The following GCA variants were observed in gnomAD, a reference collection of about 807,000 sequenced individuals.
GCA encodes the protein grancalcin, also known as grancalcin, EF-hand calcium-binding protein.
In GCA, 30 loss-of-function variants were observed where a neutral mutation model predicts 32.6. The observed-to-expected ratio is 0.92, with a 90% CI of 0.69 to 1.25. GCA has a LOEUF of 1.25. Ranked by LOEUF, GCA falls within the 50% of genes most tolerant of loss-of-function variation. The pLI, the probability that GCA is intolerant of heterozygous loss-of-function variation, is 0.00. For synonymous variants in GCA, 102 were observed against 84.6 expected, an observed-to-expected ratio of 1.21 and a Z score of -1.13; for missense variants, 291 against 266.8, an observed-to-expected ratio of 1.09 and a Z score of -0.63.
intron 1 of GCA, among the ~76,000 whole-genome samples, chr2:162,337,691 T>G (rs934537606): frequency 6.6e-6 from 1 of 152,200 alleles, no homozygotes; most frequent in Non-Finnish European, 1.5e-5. Flanking sequence ...CTATCACAAT[T>G]CTTACCCCTC....
chr2:162,349,640 G>A (rs779449999), intron 2 of GCA, among the ~76,000 whole-genome samples: 21 of 152,004 alleles, frequency 1.4e-4, no homozygotes, highest in Non-Finnish European at 2.8e-4. Context: ...GAGAGGATTT[G>A]GAAAAAGAGA....
chr2:162,356,803 T>C lies in GCA; in HGVS notation c.352T>C (p.Trp118Arg). The C allele has an allele frequency of 1.2e-6, 2 of 1,604,470 alleles. No homozygotes were observed. Residue 118 changes from tryptophan to arginine, a missense_variant, in exon 5 of 8, where the codon TGG becomes CGG. Trp to Arg is a moderately radical substitution (Grantham distance 101, BLOSUM62 -3). Transcript: ENST00000437150. ...GGGATTTAATGCATTCAAAGAGCTA[T>C]GGGCAGCTCTTAATGCCTGGAAGGA... ...KMGFNAFKEL[W>R]AALNAWKENF...
chr2:162,343,732 G>A (rs1684525852), upstream of GCA, among the ~76,000 whole-genome samples: 1 of 152,184 alleles, frequency 6.6e-6, no homozygotes, highest in African/African-American at 2.4e-5. Context: ...ATTCACAGAT[G>A]GGTCTTTGAA....
At chr2:162,354,458 A>T (rs920827356) in intron 3 of GCA, among the ~76,000 whole-genome samples, 12 of 152,180 alleles carry the variant, frequency 7.9e-5, no homozygotes, top group Non-Finnish European at 1.2e-4. Flanking sequence ...TACATTTCAG[A>T]GACTCCTCCA....
At chr2:162,370,553 T>C (rs1218359708) in intron 4 of GCA, among the ~76,000 whole-genome samples, 2 of 152,102 alleles carry the variant, frequency 1.3e-5, no homozygotes, top group Admixed American at 6.6e-5. Flanking sequence ...ATTCCAATCA[T>C]GTATAATAGA....
intron 1 of GCA, among the ~76,000 whole-genome samples, chr2:162,324,801 G>A (rs1683816954): frequency 6.6e-6 from 1 of 152,158 alleles, no homozygotes; most frequent in Non-Finnish European, 1.5e-5. Flanking sequence ...CCCCTCTGAA[G>A]AGGTACAACT....
At chr2:162,330,890 C>T (rs914240977) in intron 1 of GCA, among the ~76,000 whole-genome samples, 3 of 152,114 alleles carry the variant, frequency 2.0e-5, no homozygotes, top group African/African-American at 4.8e-5. Flanking sequence ...TCCTATGAGC[C>T]CCAGTCACAT....
chr2:162,336,864 T>C (rs75010080), intron 1 of GCA, among the ~76,000 whole-genome samples: 1 of 152,182 alleles, frequency 6.6e-6, no homozygotes, highest in Admixed American at 6.6e-5. Context: ...TGGAATTTCA[T>C]TTGGATTTAA....
At chr2:162,345,624 C>A in intron 1 of GCA, among the ~76,000 whole-genome samples, 1 of 152,220 alleles carries the variant, frequency 6.6e-6, no homozygotes, top group East Asian at 1.9e-4. Flanking sequence ...TATTTAAATC[C>A]CCTTTTCCAT....
At position 162,360,282 on chromosome 2, in the gene GCA, C is replaced by T. The variant is rs1553466889; in HGVS notation, c.*39C>T. The T allele has an allele frequency of 6.3e-7, 1 of 1,577,366 alleles. No individual in the cohort carries two copies. The highest frequency in any genetic ancestry group is 1.2e-5 in the South Asian group (1 of 86,298). On this transcript the variant is annotated 3_prime_UTR_variant, in exon 8 of 8. Coordinates refer to ENST00000437150, the MANE Select transcript of GCA (RefSeq NM_012198.5). ...TAAACCTGAAGAGACACTGTGAATT[C>T]TTTTGTTTGGAAGAAGTGAACTGGA...
chr2:162,336,972 G>A (rs1684290190), intron 1 of GCA, among the ~76,000 whole-genome samples: 2 of 152,118 alleles, frequency 1.3e-5, no homozygotes. Context: ...CAATTTCATG[G>A]GTTGAAACGC....
intron 1 of GCA, among the ~76,000 whole-genome samples, chr2:162,320,439 A>G (rs1424414385): frequency 6.6e-6 from 1 of 152,246 alleles, no homozygotes; most frequent in East Asian, 1.9e-4. Flanking sequence ...ACAAACTAAC[A>G]AACCAAAAAA....
rs78904785 is a variant in GCA, at chr2:162,348,432, G to A, written c.192+690G>A. Among the ~76,000 whole-genome samples the A allele has an allele frequency of 6.2e-3, 951 of 152,170 alleles. 18 individuals carry two copies. In the East Asian group the frequency reaches 0.067, roughly 11 times the overall value. On this transcript the variant is annotated intron_variant, in intron 2 of 7. Coordinates refer to ENST00000437150, the MANE Select transcript of GCA (RefSeq NM_012198.5). The stretch of plus-strand genomic sequence containing the variant: ...GAGAAATTACATTTTTTTCACAGGT[G>A]AAGTTATATCATTTATAGTAATTTT...
At chr2:162,363,949 G>C (rs1685673621), downstream of GCA, among the ~76,000 whole-genome samples, 1 of 151,418 alleles carries the variant, frequency 6.6e-6, no homozygotes, top group South Asian at 2.1e-4. Flanking sequence ...AAGAAAATGA[G>C]GAAGCTGTTT....
rs186365962 is a variant in GCA at position 162,350,848 on chromosome 2, C to T, written c.193-1490C>T. The stretch of plus-strand genomic sequence containing the variant: ...ATATATAAACATTTGATAAATGTTT[C>T]GTATGGATGAATTAACTATCCCATT... On this transcript the variant is annotated intron_variant, in intron 2 of 7. Transcript: ENST00000437150. Among the ~76,000 whole-genome samples, 389 of 152,178 alleles carry T rather than the reference C, an allele frequency of 2.6e-3. 4 individuals carry two copies. Among genetic ancestry groups the T allele is most frequent in the Middle Eastern group, 6.8e-3 (2 of 292 alleles).
chr2:162,362,943 G>A lies in GCA; in HGVS notation c.*2700G>A, dbSNP rs1367561696. Reference sequence around the variant, plus strand: ...TCAAGTTATGTTTATTTCCAAAAAAGGCATTTACCCTAGAAGAAAGTAGAA... The same window carrying A: ...TCAAGTTATGTTTATTTCCAAAAAAAGCATTTACCCTAGAAGAAAGTAGAA... On this transcript the variant is annotated 3_prime_UTR_variant, in exon 8 of 8. Coordinates refer to ENST00000437150, the MANE Select transcript of GCA (RefSeq NM_012198.5). Among the ~76,000 whole-genome samples, 1 of 151,154 alleles carries A rather than the reference G, an allele frequency of 6.6e-6. No individual in the cohort carries two copies. The highest frequency in any genetic ancestry group is 2.4e-5 in the African/African-American group (1 of 41,272).
At chr2:162,366,874 C>T (rs1558909023), downstream of GCA, among the ~76,000 whole-genome samples, 1 of 151,766 alleles carries the variant, frequency 6.6e-6, no homozygotes, top group Non-Finnish European at 1.5e-5. Flanking sequence ...GTGAAAATGA[C>T]TTCATAAGTT....
intron 2 of GCA, among the ~76,000 whole-genome samples, chr2:162,348,832 T>G (rs1326417111): frequency 1.3e-5 from 2 of 152,154 alleles, no homozygotes; most frequent in Non-Finnish European, 2.9e-5. Context: ...GGATATGTAT[T>G]ATACCCCTTT....
chr2:162,351,461 A>G (rs76908370), intron 2 of GCA, among the ~76,000 whole-genome samples: 3,501 of 152,328 alleles, frequency 0.023, 50 homozygotes, highest in Non-Finnish European at 0.036. Flanking sequence ...AATTCAGTTA[A>G]GGGAAGAATG....
Sources: allele counts gnomAD v4.1 joint callset (sites outside exome capture counted in the v4.1 genomes callset), GRCh38; gene constraint gnomAD v4.1.1; transcripts MANE v1.5; gene names NCBI Gene and HGNC (gene_info 2026-07-23, HGNC 2026-07-21).